The following MGAM variants were observed in gnomAD, a reference collection of about 807,000 sequenced individuals.
MGAM encodes the protein alpha-1,4-glucosidase.
In MGAM, 253 loss-of-function variants were observed where a neutral mutation model predicts 358.8. That is an observed-to-expected ratio of 0.71 (90% CI 0.64 to 0.78). MGAM has a LOEUF of 0.78. Ranked by LOEUF, MGAM falls within the 30% of genes least tolerant of loss-of-function variation. The pLI is 0.00. For synonymous variants in MGAM, 1,105 were observed against 1,227.1 expected (o/e 0.90, Z 2.08); for missense variants, 3,080 against 3,432.6 (o/e 0.90, Z 2.57).
chr7:142,046,001 A>T lies in MGAM; in HGVS notation c.2499-1784A>T, dbSNP rs1204769621. 1.1e-4 allele frequency among the ~76,000 whole-genome samples: 14 copies of T among 132,774 alleles called. 1 individual carries two copies. In the South Asian group the frequency reaches 2.1e-3, roughly 19 times the overall value. The allele number at this position is 132,774 out of a possible 152,430, so 87.1% of individuals were successfully genotyped here. On this transcript the variant is annotated intron_variant, in intron 21 of 70. Transcript: ENST00000475668. ...TATATTATGTATACATACAATATGT[A>T]ATATATATTATGTATACATACAATA...
In MGAM at chr7:142,045,531, AAT is replaced by A. The variant is rs1177302612; in HGVS notation, c.2499-2247_2499-2246del. On this transcript the variant is annotated intron_variant, in intron 21 of 70. Coordinates refer to ENST00000475668, the MANE Select transcript of MGAM (RefSeq NM_001365693.1). Reference sequence around the variant, plus strand: ...TACATATACATATAATATATGATATAATATATATTATATATACATACAATATA... The same window carrying A: ...TACATATACATATAATATATGATATAATATATTATATATACATACAATATA... Among the ~76,000 whole-genome samples the A allele has an allele frequency of 7.1e-5, 6 of 84,734 alleles. 1 individual carries two copies. Among genetic ancestry groups the A allele is most frequent in the Admixed American group, 3.5e-4 (2 of 5,700 alleles). 55.6% of individuals were successfully genotyped at this position (84,734 alleles called of 152,430 possible). A position where few individuals can be genotyped will look rare whatever the true frequency, so the allele number is the denominator to read the frequency against.
chr7:142,021,462 G>A (rs1806448283), intron 5 of MGAM, 124 bp from the exon 6 acceptor site: 1 of 951,576 alleles, frequency 1.1e-6, no homozygotes, highest in Non-Finnish European at 1.6e-6. Flanking sequence ...AACATAATGA[G>A]TACATCTACC....
intron 57 of MGAM, among the ~76,000 whole-genome samples, chr7:142,089,752 A>G (rs1327251621): frequency 6.9e-6 from 1 of 145,532 alleles, no homozygotes; most frequent in Non-Finnish European, 1.6e-5. Flanking sequence ...GAGCCACTGC[A>G]CTCCAGCCTG....
chr7:141,994,342 C>G (rs1554447967), upstream of MGAM, among the ~76,000 whole-genome samples: 1 of 152,120 alleles, frequency 6.6e-6, no homozygotes, highest in Non-Finnish European at 1.5e-5. Context: ...TTCTCAATCC[C>G]CTCTCCCTCA....
At chr7:142,085,343 A>G (rs1814653530) in intron 54 of MGAM, among the ~76,000 whole-genome samples, 1 of 146,728 alleles carries the variant, frequency 6.8e-6, no homozygotes, top group South Asian at 2.2e-4. Context: ...AGAAGAATGT[A>G]GTGTCTGATT....
rs1175960989 is a variant in MGAM, at chr7:142,085,873, T to G, written c.6548T>G (p.Leu2183Arg). ...GACATCGACTACATGGAGCGGCAGC[T>G]GGACTTCACCCTCAGCCCCAAGTTT... ...YSDIDYMERQ[L>R]DFTLSPKFAG... The change falls in exon 55 of 71, where the codon CTG becomes CGG. Residue 2183 changes from leucine (L) to arginine (R), a missense_variant. Leu to Arg is a moderately radical substitution (Grantham distance 102, BLOSUM62 -2). Coordinates refer to ENST00000475668, the MANE Select transcript of MGAM (RefSeq NM_001365693.1). The G allele has an allele frequency of 1.9e-6, 3 of 1,565,928 alleles. No individual in the cohort carries two copies. Among genetic ancestry groups the G allele is most frequent in the Non-Finnish European group, 2.6e-6 (3 of 1,141,322 alleles).
intron 42 of MGAM, among the ~76,000 whole-genome samples, chr7:142,067,959 TATATAA>T (rs1381287452): frequency 1.9e-4 from 7 of 36,110 alleles, no homozygotes; most frequent in African/African-American, 5.4e-4. Flanking sequence ...TATATATATA[TATATAA>T]ATATATATAT....
chr7:142,100,314 C>T (rs941925060), intron 67 of MGAM, among the ~76,000 whole-genome samples: 1 of 152,128 alleles, frequency 6.6e-6, no homozygotes, highest in Non-Finnish European at 1.5e-5. Flanking sequence ...GTGATTTGCT[C>T]AGAGTCACAC....
intron 36 of MGAM, among the ~76,000 whole-genome samples, chr7:142,063,902 AG>A (rs1241211090): frequency 6.6e-6 from 1 of 152,142 alleles, no homozygotes; most frequent in Admixed American, 6.5e-5. Flanking sequence ...TTGTGTCATC[AG>A]TGAGTGGAAA....
intron 34 of MGAM, 122 bp downstream of exon 34, chr7:142,060,495 A>G (rs1343694961): frequency 5.0e-5 from 57 of 1,145,214 alleles, no homozygotes; most frequent in Non-Finnish European, 7.1e-5. Context: ...CACTTAGGTG[A>G]TGTGTCTTGG....
chr7:142,075,783 A>G (rs7811050), intron 45 of MGAM, among the ~76,000 whole-genome samples: 59,275 of 144,712 alleles, frequency 0.41, 16,423 homozygotes, highest in Middle Eastern at 0.58. Context: ...AAGAAAGGAG[A>G]GAAGTGCTGG....
At position 142,103,307 on chromosome 7, in the gene MGAM, C is replaced by A; in HGVS notation, c.8052C>A (p.Ile2684=). 6.2e-7 allele frequency: 1 copy of A among 1,611,870 alleles called. No homozygotes were observed. Among genetic ancestry groups the A allele is most frequent in the Non-Finnish European group, 8.5e-7 (1 of 1,179,060 alleles). The change falls in exon 70 of 71, where the codon ATC becomes ATA. Residue 2684 remains isoleucine (I), a synonymous_variant. Transcript: ENST00000475668. ...GCCATATAATTTTCAACAATTACAT[C>A]ACTGGTACAAATCCTTTGAAACTGG... is the stretch of plus-strand genomic sequence containing the variant. ...MQSHIIFNNY[I]TGTNPLKLGY... is the part of the protein sequence containing the mutation.
chr7:142,008,478 G>A, intron 2 of MGAM, 28 bp from the exon 3 acceptor site: 1 of 1,574,504 alleles, frequency 6.4e-7, no homozygotes, highest in Non-Finnish European at 8.6e-7. Flanking sequence ...TTTGTCTAAT[G>A]GTCTTTTTAT....
chr7:142,044,311 A>G (rs562439525), intron 21 of MGAM, among the ~76,000 whole-genome samples: 1 of 140,148 alleles, frequency 7.1e-6, no homozygotes, highest in South Asian at 2.1e-4. Context: ...TATATATAAT[A>G]TACACATACG....
chr7:142,042,031 TTA>T (rs1182724308), intron 21 of MGAM, among the ~76,000 whole-genome samples: 2 of 8,916 alleles, frequency 2.2e-4, no homozygotes, highest in Non-Finnish European at 3.5e-4. Flanking sequence ...ATATATTATA[TTA>T]TATACATATA....
intron 21 of MGAM, among the ~76,000 whole-genome samples, chr7:142,044,003 GACGTATAATATATACATTATATACA>G (rs1191301765): frequency 1.6e-5 from 2 of 124,688 alleles, no homozygotes; most frequent in Non-Finnish European, 3.2e-5. Context: ...ATACACATAC[GACGTATAATATATACATTATATACA>G]CATACGACGT....
intron 31 of MGAM, among the ~76,000 whole-genome samples, chr7:142,058,651 AATAAAGT>A (rs1811798737): frequency 6.6e-6 from 1 of 152,214 alleles, no homozygotes; most frequent in African/African-American, 2.4e-5. Context: ...GTTTCATAAG[AATAAAGT>A]ATATCCCACA....
chr7:142,104,989 T>G (rs1816725256), intron 70 of MGAM, among the ~76,000 whole-genome samples: 1 of 152,214 alleles, frequency 6.6e-6, no homozygotes, highest in Admixed American at 6.5e-5. Flanking sequence ...CTTGTGGTTT[T>G]CTTGTCAACA....
intron 30 of MGAM, among the ~76,000 whole-genome samples, chr7:142,057,218 A>T (rs1290005933): frequency 6.6e-6 from 1 of 151,932 alleles, no homozygotes; most frequent in Non-Finnish European, 1.5e-5. Flanking sequence ...TATGGTGATG[A>T]TGGCAGTAGG....
Sources: gnomAD v4.1 joint callset for allele counts (sites outside exome capture counted in the v4.1 genomes callset) on GRCh38, gnomAD v4.1.1 for gene constraint, MANE v1.5 for transcripts, NCBI Gene and HGNC (gene_info 2026-07-23, HGNC 2026-07-21) for gene names.